Variants in PAK5 observed in about 807,000 individuals in gnomAD.
PAK5 encodes serine/threonine-protein kinase PAK 5.
A neutral mutation model predicts 65.9 loss-of-function variants in PAK5; 16 were observed. The observed-to-expected ratio is 0.24, with a 90% confidence interval of 0.16 to 0.37. The LOEUF (loss-of-function observed/expected upper bound fraction) is 0.37. Among genes scored for constraint, PAK5 ranks in the 10% least tolerant of loss-of-function variants. The probability of loss-of-function intolerance (pLI) is 1.00; values close to 1 mark genes in which losing one functional copy is unlikely to be tolerated. For synonymous variants in PAK5, 371 were observed against 354.9 expected (o/e 1.05, Z -0.51); for missense variants, 785 against 903.9 (o/e 0.87, Z 1.69).
chr20:9,577,613 C>T (rs960199122), intron 4 of PAK5: 14 of 152,324 alleles, frequency 9.2e-5, no homozygotes, highest in Admixed American at 2.6e-4. Flanking sequence ...CTAAGAGTAC[C>T]GTTCTAAAGA....
At chr20:9,743,626 CT>C (rs1272046779) in intron 1 of PAK5, among the ~76,000 whole-genome samples, 1 of 152,108 alleles carries the variant, frequency 6.6e-6, no homozygotes, top group Non-Finnish European at 1.5e-5. Context: ...TGAGATTGTG[CT>C]TATGATTTGC....
At chr20:9,593,241 T>C (rs368034925) in intron 3 of PAK5, among the ~76,000 whole-genome samples, 1 of 152,112 alleles carries the variant, frequency 6.6e-6, no homozygotes, top group African/African-American at 2.4e-5. Flanking sequence ...GAGTTGGAGT[T>C]TGCAGTCAGG....
chr20:9,826,673 G>T (rs1403296436), intron 1 of PAK5, among the ~76,000 whole-genome samples: 3 of 152,106 alleles, frequency 2.0e-5, no homozygotes, highest in Non-Finnish European at 4.4e-5. Context: ...GGGATCACTC[G>T]CTTTGATTTA....
chr20:9,580,625 C>A lies in PAK5; in HGVS notation c.510G>T (p.Gly170=), dbSNP rs774970992. 8 of 1,613,890 alleles carry A rather than the reference C, an allele frequency of 5.0e-6. No homozygotes were observed. The South Asian group carries it at 8.8e-5, about 18-fold the overall frequency. ...YRGSHAAKQN[G]HVMKMKHGEA... ...CCCCGTGCTTCATTTTCATTACGTG[C>A]CCATTTTGCTTGGCTGCGTGGCTGC... Residue 170 remains glycine, a synonymous_variant, in exon 4 of 10, where the codon GGG becomes GGT. Coordinates refer to ENST00000353224, the MANE Select transcript of PAK5 (RefSeq NM_177990.4).
intron 9 of PAK5, 74 bp downstream of exon 9, chr20:9,542,512 A>G: frequency 1.4e-6 from 2 of 1,432,202 alleles, no homozygotes; most frequent in Non-Finnish European, 2.0e-6. Flanking sequence ...GTGGTAAGCC[A>G]GTCTTAAAAA....
chr20:9,630,241 G>A (rs2046904123), intron 3 of PAK5, among the ~76,000 whole-genome samples: 1 of 152,196 alleles, frequency 6.6e-6, no homozygotes, highest in Admixed American at 6.5e-5. Context: ...TCACTCTCAG[G>A]AAAGCATGCA....
chr20:9,729,781 G>GT (rs1483417588), intron 1 of PAK5, among the ~76,000 whole-genome samples: 4 of 81,262 alleles, frequency 4.9e-5, no homozygotes, highest in South Asian at 7.4e-4. Context: ...GCTGTGTTTT[G>GT]TTTTTTTGTT....
intron 2 of PAK5, among the ~76,000 whole-genome samples, chr20:9,699,314 A>G (rs1341534923): frequency 1.3e-5 from 2 of 151,966 alleles, no homozygotes; most frequent in Non-Finnish European, 2.9e-5. Flanking sequence ...TGCCCTAGAG[A>G]GCAGATGCCA....
chr20:9,749,122 C>G (rs939127578), intron 1 of PAK5, among the ~76,000 whole-genome samples: 26 of 152,020 alleles, frequency 1.7e-4, no homozygotes, highest in Non-Finnish European at 3.2e-4. Context: ...AGAAATAACC[C>G]CATAGCTGTG....
intron 7 of PAK5, among the ~76,000 whole-genome samples, chr20:9,546,203 C>G (rs2045341892): frequency 6.6e-6 from 1 of 152,180 alleles, no homozygotes; most frequent in African/African-American, 2.4e-5. Context: ...ACATCCCTAT[C>G]TGCATGAGTA....
At position 9,692,725 on chromosome 20, in the gene PAK5, C is replaced by T. The variant is rs556307408; in HGVS notation, c.-12+18561G>A. 2.6e-5 allele frequency among the ~76,000 whole-genome samples: 4 copies of T among 152,094 alleles called. No individual in the cohort carries two copies. The East Asian group carries it at 5.8e-4, about 22-fold the overall frequency. On this transcript the variant is annotated intron_variant, in intron 2 of 9. Coordinates refer to ENST00000353224, the MANE Select transcript of PAK5 (RefSeq NM_177990.4). ...ATTTTGGCATTTTAAAAGATTTAGG[C>T]ATGGTCATGACAAAGTTCCAAAACT...
At chr20:9,573,950 T>A (rs975652262) in intron 4 of PAK5, among the ~76,000 whole-genome samples, 1 of 152,178 alleles carries the variant, frequency 6.6e-6, no homozygotes, top group African/African-American at 2.4e-5. Context: ...TGGGTGCTGC[T>A]TACTCTCCAT....
chr20:9,782,759 G>A (rs1023720152), intron 1 of PAK5, among the ~76,000 whole-genome samples: 4 of 152,078 alleles, frequency 2.6e-5, no homozygotes, highest in Admixed American at 1.3e-4. Context: ...CAGTCTAGTA[G>A]GAAGTCTGAC....
rs73895969 is a variant in PAK5 at position 9,732,674 on chromosome 20, C to T, written c.-161-21239G>A. Among the ~76,000 whole-genome samples, 973 of 152,254 alleles carry T rather than the reference C, an allele frequency of 6.4e-3. 16 individuals carry two copies. The highest frequency in any genetic ancestry group is 0.022 in the African/African-American group (926 of 41,558). ...TCCCTTTCCTACACAACTGTCTACC[C>T]AAGGGCTATAGGGAGTTCAAGGGTT... is the stretch of plus-strand genomic sequence containing the variant. On this transcript the variant is annotated intron_variant, in intron 1 of 9. Transcript: ENST00000353224.
intron 1 of PAK5, among the ~76,000 whole-genome samples, chr20:9,742,539 A>C (rs1212478317): frequency 1.3e-5 from 2 of 152,188 alleles, no homozygotes; most frequent in African/African-American, 4.8e-5. Flanking sequence ...GTATAAGCAA[A>C]TATACCAATT....
At chr20:9,804,702 A>G (rs1322422324) in intron 1 of PAK5, among the ~76,000 whole-genome samples, 1 of 152,188 alleles carries the variant, frequency 6.6e-6, no homozygotes, top group Non-Finnish European at 1.5e-5. Flanking sequence ...CAACCGAAGA[A>G]AAATGATAAC....
intron 4 of PAK5, among the ~76,000 whole-genome samples, chr20:9,579,567 C>T (rs2045942643): frequency 6.6e-6 from 1 of 152,128 alleles, no homozygotes; most frequent in Non-Finnish European, 1.5e-5. Flanking sequence ...TCCAGCGGTC[C>T]AGCAACCATC....
At chr20:9,750,677 G>T (rs1185589511) in intron 1 of PAK5, among the ~76,000 whole-genome samples, 1 of 152,058 alleles carries the variant, frequency 6.6e-6, no homozygotes, top group Non-Finnish European at 1.5e-5. Context: ...AAAGAATAAG[G>T]AAGGACCAAA....
intron 1 of PAK5, among the ~76,000 whole-genome samples, chr20:9,733,991 G>C (rs2048361787): frequency 6.6e-6 from 1 of 152,152 alleles, no homozygotes; most frequent in Non-Finnish European, 1.5e-5. Flanking sequence ...CCTAAGGTTG[G>C]GTCATTAACA....
Sources: gnomAD v4.1 joint callset for allele counts (sites outside exome capture counted in the v4.1 genomes callset) on GRCh38, gnomAD v4.1.1 for gene constraint, MANE v1.5 for transcripts, NCBI Gene and HGNC (gene_info 2026-07-23, HGNC 2026-07-21) for gene names.